The following GRAMD4 variants were observed in gnomAD, a reference collection of about 807,000 sequenced individuals.
GRAMD4 encodes GRAM domain containing 4.
Under a neutral mutation model 83.9 loss-of-function variants are expected in GRAMD4, and 25 were observed. That is an observed-to-expected ratio of 0.30 (90% CI 0.22 to 0.42). The LOEUF (loss-of-function observed/expected upper bound fraction) is 0.42. Ranked by LOEUF, GRAMD4 falls within the 10% of genes least tolerant of loss-of-function variation. The pLI is 1.00. For synonymous variants in GRAMD4, 336 were observed against 320.9 expected (o/e 1.05, Z -0.50); for missense variants, 593 against 788.7 (o/e 0.75, Z 2.97).
intron 9 of GRAMD4, 146 bp from the exon 10 acceptor site, chr22:46,666,679 G>T: frequency 1.5e-6 from 1 of 686,702 alleles, no homozygotes; most frequent in Non-Finnish European, 2.6e-6. Context: ...GGGTTCCGGA[G>T]GGACCTTTTC....
intron 2 of GRAMD4, among the ~76,000 whole-genome samples, chr22:46,635,521 G>A (rs188205477): frequency 0.012 from 73 of 6,044 alleles, 3 homozygotes; most frequent in Admixed American, 0.024. Flanking sequence ...CCCTGCCCCC[G>A]CCCCCGGCCA....
At chr22:46,658,815 C>T (rs2147330195) in intron 4 of GRAMD4, among the ~76,000 whole-genome samples, 1 of 150,846 alleles carries the variant, frequency 6.6e-6, no homozygotes, top group East Asian at 2.0e-4. Flanking sequence ...CGCCCCCCTG[C>T]CCCCATCCTA....
intron 1 of GRAMD4, among the ~76,000 whole-genome samples, chr22:46,601,232 GAGACAGCTTGTC>G (rs1185893487): frequency 2.0e-5 from 3 of 152,100 alleles, no homozygotes; most frequent in Non-Finnish European, 2.9e-5. Flanking sequence ...GATTTGTCAG[GAGACAGCTTGTC>G]TTCTGTGACC....
chr22:46,593,162 T>C (rs985423198), intron 1 of GRAMD4, among the ~76,000 whole-genome samples: 1 of 152,144 alleles, frequency 6.6e-6, no homozygotes, highest in Non-Finnish European at 1.5e-5. Context: ...CCTTTCCTCT[T>C]TACCAGTACC....
intron 2 of GRAMD4, among the ~76,000 whole-genome samples, chr22:46,634,623 T>C (rs1268400297): frequency 6.6e-6 from 1 of 151,976 alleles, no homozygotes; most frequent in African/African-American, 2.4e-5. Flanking sequence ...GTGGCCACAG[T>C]TTCTGTGTTT....
In GRAMD4 at chr22:46,620,435, C is replaced by T; in HGVS notation, c.-180C>T. ...TCCAGGGCAGCAGACACCACCCTCT[C>T]CGTGCCTGCTGGTGTTGGGCGGCTT... is the stretch of plus-strand genomic sequence containing the variant. On this transcript the variant is annotated 5_prime_UTR_variant, in exon 1 of 19. Transcript: ENST00000406902. This position sits in a 1 kb window ranked among gnomAD's most constrained non-coding sequence, Gnocchi z 4.7. 2.0e-6 allele frequency: 2 copies of T among 985,396 alleles called. No homozygotes were observed. Among genetic ancestry groups the T allele is most frequent in the Non-Finnish European group, 2.4e-6 (2 of 829,920 alleles). The allele number at this position is 985,396 out of a possible 1,614,324, so 61.0% of individuals were successfully genotyped here. A position where few individuals can be genotyped will look rare whatever the true frequency, so the allele number is the denominator to read the frequency against.
chr22:46,625,212 C>T (rs2081638970), intron 1 of GRAMD4, among the ~76,000 whole-genome samples: 1 of 152,196 alleles, frequency 6.6e-6, no homozygotes, highest in Admixed American at 6.5e-5. Flanking sequence ...GTGCCCATCC[C>T]AGGAGAGCCT....
At chr22:46,616,039 TAGG>T (rs535748246), upstream of GRAMD4, among the ~76,000 whole-genome samples, 90,006 of 104,880 alleles carry the variant, frequency 0.86, 38,882 homozygotes, top group East Asian at 0.98. Flanking sequence ...CCCCCATGTG[TAGG>T]TTCCCCTGTG....
At chr22:46,603,109 A>C (rs1301518649) in intron 1 of GRAMD4, among the ~76,000 whole-genome samples, 3 of 151,308 alleles carry the variant, frequency 2.0e-5, no homozygotes, top group Admixed American at 2.0e-4. Context: ...TGTGTGTTGA[A>C]ATTTTTTTTC....
At chr22:46,611,627 G>A (rs2081417806) in intron 1 of GRAMD4, among the ~76,000 whole-genome samples, 1 of 151,982 alleles carries the variant, frequency 6.6e-6, no homozygotes, top group African/African-American at 2.4e-5. Flanking sequence ...AAGGCTTATT[G>A]GGCAGAGGCT....
intron 1 of GRAMD4, among the ~76,000 whole-genome samples, chr22:46,579,512 G>A (rs1216830181): frequency 6.6e-6 from 1 of 152,204 alleles, no homozygotes; most frequent in Non-Finnish European, 1.5e-5. Flanking sequence ...CTCTTTGGAA[G>A]GAGTATCAGA....
intron 1 of GRAMD4, among the ~76,000 whole-genome samples, chr22:46,602,154 T>C (rs2081318035): frequency 6.6e-6 from 1 of 152,236 alleles, no homozygotes; most frequent in African/African-American, 2.4e-5. Context: ...CCAGCCTTTT[T>C]GCTGTCATGA....
At chr22:46,637,477 G>T (rs2081907835) in intron 2 of GRAMD4, among the ~76,000 whole-genome samples, 1 of 152,064 alleles carries the variant, frequency 6.6e-6, no homozygotes, top group African/African-American at 2.4e-5. Flanking sequence ...TCCTGACCTC[G>T]ATCCACCTGC....
intron 1 of GRAMD4, among the ~76,000 whole-genome samples, chr22:46,608,578 C>T (rs2081387621): frequency 1.3e-5 from 2 of 151,970 alleles, no homozygotes; most frequent in South Asian, 4.1e-4. Context: ...CCTTGGGAGG[C>T]AGAGGCAGAA....
chr22:46,598,935 C>T (rs992573389), intron 1 of GRAMD4, among the ~76,000 whole-genome samples: 2 of 152,058 alleles, frequency 1.3e-5, no homozygotes, highest in Non-Finnish European at 2.9e-5. Flanking sequence ...CGCCCTGCAC[C>T]CAGAGGGCTA....
chr22:46,588,779 C>T lies in GRAMD4; in HGVS notation c.-50+11489C>T, dbSNP rs111384281. On this transcript the variant is annotated intron_variant, in intron 1 of 1. Transcript: ENST00000431155. ...ACACAGGTCTCAGGAGGGCATGTGA[C>T]ACTGGCGTCGGTCCGGGCTGGGCAG... 5.8e-3 allele frequency among the ~76,000 whole-genome samples: 881 copies of T among 152,156 alleles called. 10 individuals are homozygous for T. Among genetic ancestry groups the T allele is most frequent in the Middle Eastern group, 0.031 (9 of 294 alleles).
chr22:46,603,284 T>C (rs978674979), intron 1 of GRAMD4, among the ~76,000 whole-genome samples: 24 of 139,648 alleles, frequency 1.7e-4, no homozygotes, highest in Middle Eastern at 3.8e-3. Context: ...CTCGGCTCAC[T>C]GCAAGCTCCG....
At chr22:46,661,325 G>T in intron 4 of GRAMD4, 56 bp from the exon 5 acceptor site, 1 of 1,415,170 alleles carries the variant, frequency 7.1e-7, no homozygotes, top group South Asian at 1.1e-5. Flanking sequence ...GTGCCTGACT[G>T]GGCATGGAGT....
In GRAMD4 at chr22:46,595,733, G is replaced by A. The variant is rs555170841; in HGVS notation, c.-50+18443G>A. Among the ~76,000 whole-genome samples, 6 of 152,364 alleles carry A rather than the reference G, an allele frequency of 3.9e-5. No individual in the cohort carries two copies. The South Asian group carries it at 1.2e-3, about 32-fold the overall frequency. On this transcript the variant is annotated intron_variant, in intron 1 of 1. Transcript: ENST00000431155. ...TGCGGCCGGTCAGGGGGCCAAGATGGGGACACCCAGAGAACCACAAGCCCA... is the reference window on the plus strand; with the variant it reads ...TGCGGCCGGTCAGGGGGCCAAGATGAGGACACCCAGAGAACCACAAGCCCA...
Sources: gnomAD v4.1 joint callset for allele counts (sites outside exome capture counted in the v4.1 genomes callset) on GRCh38, gnomAD v4.1.1 for gene constraint, Gnocchi (gnomAD v3.1) non-coding constraint, MANE v1.5 for transcripts, NCBI Gene and HGNC (gene_info 2026-07-23, HGNC 2026-07-21) for gene names.